The following SEMA3A variants were observed in gnomAD, a reference collection of about 807,000 sequenced individuals.
SEMA3A encodes the protein semaphorin-3A.
Under a neutral mutation model 97.9 loss-of-function variants are expected in SEMA3A, and 29 were observed. The observed-to-expected ratio is 0.30, with a 90% CI of 0.22 to 0.40. The LOEUF is 0.40. Among genes scored for constraint, SEMA3A ranks in the 10% least tolerant of loss-of-function variants. The pLI is 1.00. For missense variants in SEMA3A, 763 were observed against 951.3 expected, an observed-to-expected ratio of 0.80 and a Z score of 2.60; for synonymous variants, 321 against 323.7, an observed-to-expected ratio of 0.99 and a Z score of 0.09.
rs1373813152 is a variant in SEMA3A at position 83,959,060 on chromosome 7, T to A, written c.*2311A>T. 1.3e-5 allele frequency: 2 copies of A among 152,090 alleles called. No homozygotes were observed. Among genetic ancestry groups the A allele is most frequent in the Non-Finnish European group, 2.9e-5 (2 of 67,940 alleles). 9.4% of individuals were successfully genotyped at this position (152,090 alleles called of 1,614,324 possible). A position where few individuals can be genotyped will look rare whatever the true frequency, so the allele number is the denominator to read the frequency against. On this transcript the variant is annotated 3_prime_UTR_variant, in exon 17 of 17. Transcript: ENST00000265362. ...ACAATTTTCTTTGAAAACTTAGACC[T>A]GATGGTATATAAAGACATGCCTGTA...
rs3839783 is a variant in SEMA3A, at chr7:84,001,680, A to ACAT, written c.1452+274_1452+275insATG. Among the ~76,000 whole-genome samples, 497 of 151,810 alleles carry ACAT rather than the reference A, an allele frequency of 3.3e-3. 2 individuals carry two copies. The highest frequency in any genetic ancestry group is 0.011 in the African/African-American group (474 of 41,416). On this transcript the variant is annotated intron_variant, in intron 12 of 16. Transcript: ENST00000265362. ...AAGAGTTTGTTCATTGAGGTAACTT[A>ACAT]AATAATATAAAATGTAATATAAAAT... is the stretch of plus-strand genomic sequence containing the variant.
At chr7:84,364,928 G>A (rs572063181) in intron 2 of SEMA3A, among the ~76,000 whole-genome samples, 1 of 151,326 alleles carries the variant, frequency 6.6e-6, no homozygotes, top group African/African-American at 2.4e-5. Flanking sequence ...AACACAGAAT[G>A]CATCTGACCA....
intron 3 of SEMA3A, among the ~76,000 whole-genome samples, chr7:84,232,470 C>T (rs1213687253): frequency 6.6e-6 from 1 of 151,182 alleles, no homozygotes; most frequent in Non-Finnish European, 1.5e-5. Context: ...CACACACACA[C>T]ATCAGTAAAG....
chr7:84,293,974 T>C (rs1800810805), intron 3 of SEMA3A, among the ~76,000 whole-genome samples: 1 of 152,036 alleles, frequency 6.6e-6, no homozygotes, highest in African/African-American at 2.4e-5. Flanking sequence ...CAAAAATGGC[T>C]TTTTCACAAA....
intron 3 of SEMA3A, among the ~76,000 whole-genome samples, chr7:84,215,168 G>T (rs943030007): frequency 2.6e-4 from 40 of 151,236 alleles, no homozygotes; most frequent in Non-Finnish European, 4.4e-4. Flanking sequence ...ACCGCGCCTG[G>T]CCCTTATTTT....
intron 2 of SEMA3A, among the ~76,000 whole-genome samples, chr7:84,319,962 T>A (rs943730954): frequency 6.6e-6 from 1 of 152,172 alleles, no homozygotes; most frequent in Non-Finnish European, 1.5e-5. Flanking sequence ...GAGAATTAAT[T>A]CACTACACTG....
chr7:84,165,589 G>C (rs987677620), intron 1 of SEMA3A, among the ~76,000 whole-genome samples: 10 of 152,032 alleles, frequency 6.6e-5, no homozygotes, highest in African/African-American at 2.4e-4. Context: ...GTCTCACTCT[G>C]TCACCCAGGC....
At chr7:84,170,423 T>A (rs73179380) in intron 1 of SEMA3A, among the ~76,000 whole-genome samples, 2 of 152,022 alleles carry the variant, frequency 1.3e-5, no homozygotes, top group Non-Finnish European at 2.9e-5. Context: ...GTGCTTTTTA[T>A]GCTAATAACT....
chr7:84,086,187 C>T lies in SEMA3A; in HGVS notation c.453+24283G>A, dbSNP rs374078356. Among the ~76,000 whole-genome samples, 12 of 151,870 alleles carry T rather than the reference C, an allele frequency of 7.9e-5. No individual in the cohort carries two copies. In the East Asian group the frequency reaches 1.9e-3, roughly 24 times the overall value. On this transcript the variant is annotated intron_variant, in intron 4 of 16. Coordinates refer to ENST00000265362, the MANE Select transcript of SEMA3A (RefSeq NM_006080.3). ...TACAATCACTACTACTGCTGTCAAC[C>T]TTTGCCAGCACTCTCCCTGGTACAT... is the stretch of plus-strand genomic sequence containing the variant.
At chr7:84,432,808 A>C (rs984723907) in intron 1 of SEMA3A, among the ~76,000 whole-genome samples, 1 of 150,840 alleles carries the variant, frequency 6.6e-6, no homozygotes, top group African/African-American at 2.4e-5. Flanking sequence ...ATCTAGGTTG[A>C]TTCCATATCT....
chr7:84,264,468 C>T (rs1799940403), intron 3 of SEMA3A, among the ~76,000 whole-genome samples: 1 of 152,068 alleles, frequency 6.6e-6, no homozygotes, highest in African/African-American at 2.4e-5. Flanking sequence ...TTTCTGGCTG[C>T]TGTAACAGCA....
intron 15 of SEMA3A, among the ~76,000 whole-genome samples, chr7:83,971,303 A>T (rs10246407): frequency 0.41 from 62,646 of 151,840 alleles, 13,744 homozygotes; most frequent in African/African-American, 0.53. Context: ...ATGGTAGTGC[A>T]TGCCTGTAAT....
chr7:84,449,765 G>A (rs187653858), intron 1 of SEMA3A, among the ~76,000 whole-genome samples: 5 of 152,040 alleles, frequency 3.3e-5, no homozygotes, highest in East Asian at 3.9e-4. Flanking sequence ...TCTGGCAATC[G>A]TCATTCCACT....
chr7:84,198,928 T>C (rs548006093), upstream of SEMA3A, among the ~76,000 whole-genome samples: 115 of 152,340 alleles, frequency 7.5e-4, no homozygotes, highest in African/African-American at 2.7e-3. Context: ...TCTGTAGTCA[T>C]AGAAGATACG....
intron 1 of SEMA3A, among the ~76,000 whole-genome samples, chr7:84,468,959 T>TTC (rs55936612): frequency 0.28 from 42,131 of 151,742 alleles, 8,066 homozygotes; most frequent in East Asian, 0.78. Context: ...ATAGGTGATT[T>TTC]TCTTTTTTTA....
At chr7:84,371,878 C>T (rs915697276) in exon 2 of SEMA3A, 1 of 151,998 alleles carries the variant, frequency 6.6e-6, no homozygotes, top group Non-Finnish European at 1.5e-5. Context: ...TAGACTGTCC[C>T]ATGGATGGTT....
chr7:84,026,152 T>C (rs1791535660), intron 6 of SEMA3A, among the ~76,000 whole-genome samples: 1 of 152,138 alleles, frequency 6.6e-6, no homozygotes, highest in African/African-American at 2.4e-5. Context: ...TTTGGGATAT[T>C]GGACTTACAA....
In SEMA3A at chr7:84,015,780, C is replaced by G. The variant is rs144813678; in HGVS notation, c.668-1429G>C. Among the ~76,000 whole-genome samples, 918 of 152,244 alleles carry G rather than the reference C, an allele frequency of 6.0e-3. 1 individual carries two copies. The highest frequency in any genetic ancestry group is 9.5e-3 in the Non-Finnish European group (648 of 68,010). On this transcript the variant is annotated intron_variant, in intron 6 of 16. Transcript: ENST00000265362. ...TATGCGTGTAACCTTTTAACATTTG[C>G]TCTGGGACCATGCATTCAAGTATAT...
chr7:84,133,372 T>C (rs1238763638), intron 2 of SEMA3A, among the ~76,000 whole-genome samples: 2 of 152,284 alleles, frequency 1.3e-5, no homozygotes, highest in African/African-American at 4.8e-5. Flanking sequence ...CTATTAAAAA[T>C]GTAAATCAGC....
Sources: gnomAD v4.1 joint callset for allele counts (sites outside exome capture counted in the v4.1 genomes callset) on GRCh38, gnomAD v4.1.1 for gene constraint, MANE v1.5 for transcripts, NCBI Gene and HGNC (gene_info 2026-07-23, HGNC 2026-07-21) for gene names.